Variants in MAGI1 observed in about 807,000 individuals in gnomAD.
The protein encoded by MAGI1 is membrane-associated guanylate kinase, WW and PDZ domain-containing protein 1.
Under a neutral mutation model 139.9 loss-of-function variants are expected in MAGI1, and 58 were observed. The observed-to-expected ratio is 0.41, with a 90% confidence interval of 0.34 to 0.52. MAGI1 has a LOEUF of 0.52. Among genes scored for constraint, MAGI1 ranks in the 20% least tolerant of loss-of-function variants. MAGI1 has a pLI of 0.12. For synonymous variants in MAGI1, 812 were observed against 737.9 expected (o/e 1.10, Z -1.63); for missense variants, 1,874 against 1,901.6 (o/e 0.99, Z 0.27).
At chr3:65,950,690 C>T (rs144403285) in intron 1 of MAGI1, among the ~76,000 whole-genome samples, 44 of 152,154 alleles carry the variant, frequency 2.9e-4, no homozygotes, top group African/African-American at 1.0e-3. Context: ...CTGGTTGGAA[C>T]GGAAATTACA....
intron 18 of MAGI1, 194 bp from the exon 19 acceptor site, chr3:65,365,140 T>C (rs777149206): frequency 4.0e-6 from 3 of 747,428 alleles, no homozygotes; most frequent in African/African-American, 1.7e-5. Flanking sequence ...GTGGGTCATG[T>C]ATGTCCCCAT....
intron 2 of MAGI1, among the ~76,000 whole-genome samples, chr3:65,589,703 C>A (rs914183805): frequency 2.8e-4 from 42 of 151,494 alleles, no homozygotes; most frequent in African/African-American, 1.0e-3. Flanking sequence ...TAAAAGCAGC[C>A]ATAAAAAAAA....
chr3:65,479,770 AT>A (rs900186051), intron 3 of MAGI1, among the ~76,000 whole-genome samples: 2 of 152,116 alleles, frequency 1.3e-5, no homozygotes, highest in Non-Finnish European at 2.9e-5. Context: ...AAAGTAAGCT[AT>A]TTTTTTAAAG....
At chr3:65,812,341 C>G (rs573627845) in intron 1 of MAGI1, among the ~76,000 whole-genome samples, 1 of 152,080 alleles carries the variant, frequency 6.6e-6, no homozygotes, top group Non-Finnish European at 1.5e-5. Context: ...CCAGTGCTCC[C>G]CAGCAGGGCT....
At chr3:65,757,715 A>G (rs1340174701) in intron 1 of MAGI1, among the ~76,000 whole-genome samples, 3 of 152,242 alleles carry the variant, frequency 2.0e-5, no homozygotes, top group Non-Finnish European at 4.4e-5. Context: ...GTTTCAGTTT[A>G]TGCAGGAACT....
At chr3:65,724,394 G>C (rs534309875) in intron 1 of MAGI1, among the ~76,000 whole-genome samples, 86 of 152,314 alleles carry the variant, frequency 5.6e-4, no homozygotes, top group Non-Finnish European at 6.5e-4. Flanking sequence ...AATCACCTGA[G>C]CATAGCCATA....
intron 1 of MAGI1, among the ~76,000 whole-genome samples, chr3:65,972,063 T>C (rs143806385): frequency 0.013 from 1,963 of 152,324 alleles, 44 homozygotes; most frequent in African/African-American, 0.044. Context: ...GGGCAAGGCT[T>C]GCTCAGGCCC....
chr3:65,590,700 T>C (rs970958511), intron 2 of MAGI1, among the ~76,000 whole-genome samples: 2 of 152,188 alleles, frequency 1.3e-5, no homozygotes, highest in Admixed American at 6.5e-5. Context: ...TAGTCTGTCC[T>C]ACCAAATGTG....
chr3:65,864,880 G>A (rs1249142588), intron 1 of MAGI1, among the ~76,000 whole-genome samples: 1 of 152,306 alleles, frequency 6.6e-6, no homozygotes, highest in South Asian at 2.1e-4. Flanking sequence ...TTTAAAGGCT[G>A]GCAGGGATAA....
At chr3:65,835,938 G>A (rs1479183797) in intron 1 of MAGI1, among the ~76,000 whole-genome samples, 1 of 152,056 alleles carries the variant, frequency 6.6e-6, no homozygotes, top group African/African-American at 2.4e-5. Context: ...ATAAAAATTG[G>A]TATGGTAGAT....
chr3:65,510,266 C>A (rs565352635), intron 2 of MAGI1, among the ~76,000 whole-genome samples: 18 of 152,320 alleles, frequency 1.2e-4, no homozygotes, highest in African/African-American at 4.3e-4. Flanking sequence ...TCCAAAGGAA[C>A]GCAGTTCCTC....
At chr3:65,952,095 T>C (rs72908938) in intron 1 of MAGI1, among the ~76,000 whole-genome samples, 4,955 of 152,242 alleles carry the variant, frequency 0.033, 266 homozygotes, top group African/African-American at 0.11. Context: ...CAAATTCAGT[T>C]AGGGGTTAGT....
At chr3:65,368,650 C>T (rs563683707) in intron 18 of MAGI1, among the ~76,000 whole-genome samples, 1 of 152,286 alleles carries the variant, frequency 6.6e-6, no homozygotes, top group Admixed American at 6.5e-5. Flanking sequence ...TGGATAAACA[C>T]GTATGTAATA....
intron 1 of MAGI1, among the ~76,000 whole-genome samples, chr3:65,816,369 T>C (rs185787084): frequency 6.6e-6 from 1 of 152,186 alleles, no homozygotes; most frequent in Non-Finnish European, 1.5e-5. Flanking sequence ...CTACTGTGAC[T>C]AAGGAGATGA....
At chr3:65,716,384 A>G (rs1395899936) in intron 1 of MAGI1, among the ~76,000 whole-genome samples, 2 of 152,234 alleles carry the variant, frequency 1.3e-5, no homozygotes, top group Non-Finnish European at 2.9e-5. Flanking sequence ...GAAGGAAAAT[A>G]AAAATAATAA....
At chr3:65,617,196 T>C (rs959299428) in intron 2 of MAGI1, among the ~76,000 whole-genome samples, 1 of 152,200 alleles carries the variant, frequency 6.6e-6, no homozygotes, top group South Asian at 2.1e-4. Flanking sequence ...GTCTCAGTAT[T>C]GGGAAGAGCC....
chr3:65,390,126 C>G (rs1943789675), intron 14 of MAGI1, among the ~76,000 whole-genome samples: 1 of 152,164 alleles, frequency 6.6e-6, no homozygotes, highest in Non-Finnish European at 1.5e-5. Context: ...CAGGGACCCA[C>G]ACCTCACACA....
At chr3:66,019,270 T>G (rs1311175853) in intron 1 of MAGI1, among the ~76,000 whole-genome samples, 4 of 152,206 alleles carry the variant, frequency 2.6e-5, no homozygotes, top group African/African-American at 9.7e-5. Context: ...TTGCTGCTAT[T>G]GGCATTTGGG....
At chr3:65,850,904 C>G (rs6445510) in intron 1 of MAGI1, among the ~76,000 whole-genome samples, 1 of 151,608 alleles carries the variant, frequency 6.6e-6, no homozygotes, top group East Asian at 1.9e-4. Context: ...GTCAGGAGTT[C>G]GAGACCAGCC....
Sources: allele counts gnomAD v4.1 joint callset (sites outside exome capture counted in the v4.1 genomes callset), GRCh38; gene constraint gnomAD v4.1.1; transcripts MANE v1.5; gene names NCBI Gene and HGNC (gene_info 2026-07-23, HGNC 2026-07-21).